The following ADCY6 variants were observed in gnomAD, a reference collection of about 807,000 sequenced individuals.
The protein encoded by ADCY6 is adenylate cyclase type 6.
ADCY6 carries 59 observed loss-of-function variants against 111.6 expected under a neutral mutation model. That is an observed-to-expected ratio of 0.53 (90% CI 0.43 to 0.66). The LOEUF (loss-of-function observed/expected upper bound fraction) is 0.66. ADCY6 is among the 30% of genes least tolerant of loss of function. The probability of loss-of-function intolerance (pLI) is 0.00; values close to 1 mark genes in which losing one functional copy is unlikely to be tolerated. For synonymous variants in ADCY6, 576 were observed against 642.9 expected (o/e 0.90, Z 1.57); for missense variants, 1,242 against 1,595.6 (o/e 0.78, Z 3.78).
Position 48,774,004 on chromosome 12 carries a change from T to G in ADCY6, c.2378A>C (p.Asn793Thr). 1 of 1,613,682 alleles carries G rather than the reference T, an allele frequency of 6.2e-7. No individual in the cohort carries two copies. Among genetic ancestry groups the G allele is most frequent in the African/African-American group, 1.3e-5 (1 of 75,032 alleles). Residue 793 changes from asparagine to threonine, a missense_variant, in exon 15 of 22, where the codon AAT becomes ACT. By Grantham distance (65) the Asn-to-Thr change is moderately conservative. Transcript: ENST00000357869. ...DITACHLQQL[N>T]YSLGLDAPLC... ...GGGAGCATCCAGGCCCAGAGAGTAATTGAGCTGCTGCAGGTGGCAGGCAGT... is the reference window on the plus strand; with the variant it reads ...GGGAGCATCCAGGCCCAGAGAGTAAGTGAGCTGCTGCAGGTGGCAGGCAGT...
intron 2 of ADCY6, among the ~76,000 whole-genome samples, chr12:48,780,751 C>T (rs1219838358): frequency 1.3e-5 from 2 of 152,316 alleles, no homozygotes; most frequent in East Asian, 3.9e-4. Context: ...CCCAGGAGGG[C>T]AGTCCAGCCA....
At chr12:48,769,147 A>T (rs1941456800) in intron 20 of ADCY6, 86 bp from the exon 21 acceptor site, 3 of 1,350,624 alleles carry the variant, frequency 2.2e-6, no homozygotes, top group East Asian at 2.6e-5. Flanking sequence ...TGGTAGAAGG[A>T]CCCAGAGAAA....
rs1319497908 is a variant in ADCY6, at chr12:48,778,121, T to C, written c.1001A>G (p.Glu334Gly). 1 of 1,611,406 alleles carries C rather than the reference T, an allele frequency of 6.2e-7. No individual in the cohort carries two copies. The highest frequency in any genetic ancestry group is 8.5e-7 in the Non-Finnish European group (1 of 1,178,938). The change falls in exon 3 of 22, where the codon GAG (glutamate) becomes GGG (glycine). Residue 334 changes from glutamate to glycine, a missense_variant. Glu to Gly is a moderately conservative substitution (Grantham distance 98). This residue lies in a region of ADCY6 where 260 missense variants were observed against 414.6 expected (regional missense o/e 0.63). Transcript: ENST00000357869. ...YIQARLHLQH[E>G]NRQQERLLLS... ...GAGCAGCCCCACCTGCTGCCGATTCTCATGCTGCAGGTGGAGCCGGGCCTG... is the reference window on the plus strand; with the variant it reads ...GAGCAGCCCCACCTGCTGCCGATTCCCATGCTGCAGGTGGAGCCGGGCCTG...
At position 48,778,872 on chromosome 12, in the gene ADCY6, ATTTTTT is replaced by A. The variant is rs1037254707; in HGVS notation, c.865-621_865-616del. ...GTGTCTTCTATACACTGAATAACAC[ATTTTTT>A]TTTTTTTTTTTTTTTTTTTTGACAG... On this transcript the variant is annotated intron_variant, in intron 2 of 21. Coordinates refer to ENST00000357869, the MANE Select transcript of ADCY6 (RefSeq NM_015270.5). Among the ~76,000 whole-genome samples the A allele has an allele frequency of 3.7e-3, 270 of 72,396 alleles. 1 individual carries two copies. The highest frequency in any genetic ancestry group is 0.014 in the African/African-American group (233 of 16,734). The allele number at this position is 72,396 out of a possible 152,430, so 47.5% of individuals were successfully genotyped here. A position where few individuals can be genotyped will look rare whatever the true frequency, so the allele number is the denominator to read the frequency against.
rs1302799973 is a variant in ADCY6, at chr12:48,772,348, G to A, written c.2734C>T (p.His912Tyr). The change falls in exon 18 of 22, where the codon CAT becomes TAT. Residue 912 changes from histidine (H) to tyrosine (Y), a missense_variant. Physicochemically the swap from His to Tyr is moderately conservative, Grantham distance 83. Transcript: ENST00000357869. ...GCAGTCGACTCCACCTGCTGAGCATGCAGATACAGCGCCAGCGCAAACACC... is the reference window on the plus strand; with the variant it reads ...GCAGTCGACTCCACCTGCTGAGCATACAGATACAGCGCCAGCGCAAACACC... ...LLVFALALYL[H>Y]AQQVESTARL... 2.5e-6 allele frequency: 4 copies of A among 1,614,062 alleles called. No homozygotes were observed. In the African/African-American group the frequency reaches 5.3e-5, roughly 22 times the overall value.
At chr12:48,769,484 A>T (rs748955118) in intron 20 of ADCY6, among the ~76,000 whole-genome samples, 1 of 151,162 alleles carries the variant, frequency 6.6e-6, no homozygotes, top group African/African-American at 2.4e-5. Flanking sequence ...TCAGTTTAGG[A>T]GCTCCCCTGA....
Position 48,773,352 on chromosome 12 carries a change from C to G in ADCY6, c.2621+117G>C, listed in dbSNP as rs1165845277. ...GCTCCTCCATCTCCTCCCTTTCCCC[C>G]ACAGGGGTGTTGTGGCATTCCAAGG... is the stretch of plus-strand genomic sequence containing the variant. On this transcript the variant is annotated intron_variant, in intron 16 of 21. Coordinates refer to ENST00000357869, the MANE Select transcript of ADCY6 (RefSeq NM_015270.5). The G allele has an allele frequency of 1.8e-5, 22 of 1,194,418 alleles. No individual in the cohort carries two copies. The South Asian group carries it at 2.9e-4, about 16-fold the overall frequency. 74.0% of individuals were successfully genotyped at this position (1,194,418 alleles called of 1,614,324 possible). A position where few individuals can be genotyped will look rare whatever the true frequency, so the allele number is the denominator to read the frequency against.
At chr12:48,778,709 A>G (rs1941770066) in intron 2 of ADCY6, among the ~76,000 whole-genome samples, 1 of 152,134 alleles carries the variant, frequency 6.6e-6, no homozygotes, top group Non-Finnish European at 1.5e-5. Context: ...TTGCTCATCT[A>G]TAACCCAAAG....
upstream of ADCY6, chr12:48,789,827 C>T (rs568706174): frequency 1.3e-4 from 20 of 151,994 alleles, no homozygotes; most frequent in African/African-American, 4.3e-4. Context: ...CCCCACAACC[C>T]CCCGCCCTAC....
chr12:48,788,370 G>A (rs1942020241), intron 1 of ADCY6, among the ~76,000 whole-genome samples: 1 of 152,142 alleles, frequency 6.6e-6, no homozygotes, highest in Non-Finnish European at 1.5e-5. Context: ...TCGAGCCCCA[G>A]AGTCTGCTTT....
In ADCY6 at chr12:48,773,613, G is replaced by T; in HGVS notation, c.2477C>A (p.Ala826Asp). Residue 826 changes from alanine (A) to aspartate (D), a missense_variant, in exon 16 of 22, where the codon GCC (alanine) becomes GAC (aspartate). Around this residue, in one of 4 missense-constraint regions of ADCY6, gnomAD observed 375 missense variants for 432.5 expected, o/e 0.87. Coordinates refer to ENST00000357869, the MANE Select transcript of ADCY6 (RefSeq NM_015270.5). ...FIGNMLLSLL[A>D]SSVFLHISSI... Reference sequence around the variant, plus strand: ...GCTGATGTGCAGGAAGACAGAGCTGGCCAAGAGACTCAGCAGCATGTTCCC... The same window carrying T: ...GCTGATGTGCAGGAAGACAGAGCTGTCCAAGAGACTCAGCAGCATGTTCCC... 2 of 1,614,136 alleles carry T rather than the reference G, an allele frequency of 1.2e-6. No individual in the cohort carries two copies. Among genetic ancestry groups the T allele is most frequent in the Non-Finnish European group, 1.7e-6 (2 of 1,180,008 alleles).
intron 1 of ADCY6, among the ~76,000 whole-genome samples, chr12:48,787,424 G>A (rs1481871630): frequency 6.6e-6 from 1 of 152,166 alleles, no homozygotes; most frequent in Non-Finnish European, 1.5e-5. Flanking sequence ...CCCCCAAGGG[G>A]ATAGCTTCAG....
Position 48,766,811 on chromosome 12 carries a change from G to A in ADCY6, c.*1780C>T, listed in dbSNP as rs146231750. The A allele has an allele frequency of 1.4e-3, 210 of 152,492 alleles. No homozygotes were observed. Among genetic ancestry groups the A allele is most frequent in the Middle Eastern group, 6.8e-3 (2 of 294 alleles). The allele number at this position is 152,492 out of a possible 1,614,324, so 9.4% of individuals were successfully genotyped here. A position where few individuals can be genotyped will look rare whatever the true frequency, so the allele number is the denominator to read the frequency against. The stretch of plus-strand genomic sequence containing the variant: ...CCTCTGCCTCTCTAGTCATTTCCAA[G>A]ACAAAGTGATCTTCAAGCAAAATTC... On this transcript the variant is annotated 3_prime_UTR_variant, in exon 22 of 22. Transcript: ENST00000357869.
chr12:48,784,690 T>TTTTTTTTTTTTTA (rs1941946688), intron 1 of ADCY6, among the ~76,000 whole-genome samples: 1 of 146,190 alleles, frequency 6.8e-6, no homozygotes, highest in Admixed American at 6.8e-5. Flanking sequence ...TTTTTTTTTT[T>TTTTTTTTTTTTTA]GAGACGGAGT....
In ADCY6 at chr12:48,772,428, A is replaced by G. The variant is rs1184208758; in HGVS notation, c.2658-4T>C. 6.2e-7 allele frequency: 1 copy of G among 1,614,156 alleles called. No homozygotes were observed. Among genetic ancestry groups the G allele is most frequent in the Non-Finnish European group, 8.5e-7 (1 of 1,179,996 alleles). Reference sequence around the variant, plus strand: ...GGCCACCCTCCCTGCAGCTGGACTAAGGATAAGCAGAGACATGCTTGGTGT... The same window carrying G: ...GGCCACCCTCCCTGCAGCTGGACTAGGGATAAGCAGAGACATGCTTGGTGT... On this transcript the variant is annotated splice_polypyrimidine_tract_variant and splice_region_variant and intron_variant, in intron 17 of 21. Transcript: ENST00000357869.
At chr12:48,784,301 G>A (rs1941933331) in intron 1 of ADCY6, among the ~76,000 whole-genome samples, 1 of 144,912 alleles carries the variant, frequency 6.9e-6, no homozygotes, top group South Asian at 2.2e-4. Flanking sequence ...GGGAAGGAAG[G>A]GAGGGAAGGG....
In ADCY6 at chr12:48,782,388, T is replaced by C. The variant is rs1280721430; in HGVS notation, c.864+183A>G. Among the ~76,000 whole-genome samples, 1 of 152,094 alleles carries C rather than the reference T, an allele frequency of 6.6e-6. No individual in the cohort carries two copies. On this transcript the variant is annotated intron_variant, in intron 2 of 21. Coordinates refer to ENST00000357869, the MANE Select transcript of ADCY6 (RefSeq NM_015270.5). This position sits in a 1 kb window ranked among gnomAD's most constrained non-coding sequence, Gnocchi z 4.3. ...AGTGTCCTCTACCCCAGATCCCACA[T>C]GGAGGCAGACCCCTCAACCCTAGCC...
intron 16 of ADCY6, 114 bp from the exon 17 acceptor site, chr12:48,772,657 T>C (rs1941582548): frequency 2.4e-6 from 3 of 1,257,116 alleles, no homozygotes; most frequent in African/African-American, 1.5e-5. Flanking sequence ...AAGTCAGGCA[T>C]TGGGCCAGGG....
At chr12:48,773,174 C>G (rs1178344296) in intron 16 of ADCY6, among the ~76,000 whole-genome samples, 1 of 152,126 alleles carries the variant, frequency 6.6e-6, no homozygotes, top group Non-Finnish European at 1.5e-5. Context: ...CACCAAGCAG[C>G]TGTATGTCCT....
Sources: allele counts gnomAD v4.1 joint callset (sites outside exome capture counted in the v4.1 genomes callset), GRCh38; gene constraint gnomAD v4.1.1; regional missense constraint gnomAD v4.1.1; non-coding constraint Gnocchi (gnomAD v3.1); transcripts MANE v1.5; gene names NCBI Gene and HGNC (gene_info 2026-07-23, HGNC 2026-07-21).